CTSC: variants seen among roughly 807,000 people sequenced by gnomAD.
CTSC encodes cathepsin C, also known as dipeptidyl peptidase 1.
Under a neutral mutation model 40.9 loss-of-function variants are expected in CTSC, and 37 were observed. The observed-to-expected ratio is 0.91, with a 90% CI of 0.70 to 1.19. CTSC has a LOEUF of 1.19. Among genes scored for constraint, CTSC ranks in the 50% most tolerant of loss-of-function variants. The pLI is 0.00. For missense variants in CTSC, 594 were observed against 567.3 expected, an observed-to-expected ratio of 1.05 and a Z score of -0.48; for synonymous variants, 232 against 207.4, an observed-to-expected ratio of 1.12 and a Z score of -1.02.
At position 88,293,987 on chromosome 11, in the gene CTSC, A is replaced by C. The variant is rs1245891990; in HGVS notation, c.*19T>G. On this transcript the variant is annotated 3_prime_UTR_variant, in exon 7 of 7. Coordinates refer to ENST00000227266, the MANE Select transcript of CTSC (RefSeq NM_001814.6). ...TTTACAACTGATGCAGATCATTATG[A>C]AATACTGGAAGGCATACCCTACAAT... 1 of 1,613,216 alleles carries C rather than the reference A, an allele frequency of 6.2e-7. No individual in the cohort carries two copies. The highest frequency in any genetic ancestry group is 2.2e-5 in the East Asian group (1 of 44,890).
At chr11:88,321,066 T>G in intron 2 of CTSC, 1 of 982,388 alleles carries the variant, frequency 1.0e-6, no homozygotes, top group Non-Finnish European at 1.2e-6. Context: ...AATAAAAGCA[T>G]GTTGATGCAA....
intron 2 of CTSC, among the ~76,000 whole-genome samples, chr11:88,315,603 T>A (rs1003432737): frequency 6.6e-6 from 1 of 151,610 alleles, no homozygotes; most frequent in African/African-American, 2.4e-5. Flanking sequence ...TTTCATACTT[T>A]ATAAATATTG....
intron 4 of CTSC, among the ~76,000 whole-genome samples, chr11:88,306,959 C>A (rs1229026441): frequency 1.3e-5 from 2 of 152,214 alleles, no homozygotes; most frequent in East Asian, 1.9e-4. Flanking sequence ...TCTGCACCTG[C>A]CCCTCTGCAT....
At chr11:88,301,994 G>A (rs1453934295) in intron 4 of CTSC, among the ~76,000 whole-genome samples, 1 of 152,000 alleles carries the variant, frequency 6.6e-6, no homozygotes, top group Non-Finnish European at 1.5e-5. Context: ...TCCCTAACTT[G>A]TAATTTTCAA....
At chr11:88,321,878 C>T (rs1938023472) in intron 2 of CTSC, 1 of 152,194 alleles carries the variant, frequency 6.6e-6, no homozygotes, top group Non-Finnish European at 1.5e-5. Flanking sequence ...GACATTCCCA[C>T]CAACAGTGTA....
At position 88,294,181 on chromosome 11, in the gene CTSC, G is replaced by C; in HGVS notation, c.1217C>G (p.Ala406Gly). 6.2e-7 allele frequency: 1 copy of C among 1,613,930 alleles called. No homozygotes were observed. Among genetic ancestry groups the C allele is most frequent in the East Asian group, 2.2e-5 (1 of 44,868 alleles). Residue 406 changes from alanine to glycine, a missense_variant, in exon 7 of 7, where the codon GCT becomes GGT. Ala to Gly is a moderately conservative substitution (Grantham distance 60). Coordinates refer to ENST00000227266, the MANE Select transcript of CTSC (RefSeq NM_001814.6). ...AGTGCCATAGCCCACAAGCAGAACA[G>C]CATGATTAGTCAGCTCAAAGGGGTT... Reference protein sequence around the residue: ...PFNPFELTNHAVLLVGYGTDS... With the variant: ...PFNPFELTNHGVLLVGYGTDS...
At chr11:88,327,906 T>C (rs1938234728) in intron 2 of CTSC, 1 of 584,170 alleles carries the variant, frequency 1.7e-6, no homozygotes, top group Non-Finnish European at 3.0e-6. Flanking sequence ...AAACAGAACA[T>C]AATAAAGTAG....
chr11:88,328,195 T>G, intron 2 of CTSC: 1 of 1,608,254 alleles, frequency 6.2e-7, no homozygotes, highest in Non-Finnish European at 8.5e-7. Context: ...ATCAGTGACA[T>G]CCTACAAAGA....
chr11:88,323,881 A>G (rs1386374825), intron 2 of CTSC: 2 of 152,184 alleles, frequency 1.3e-5, no homozygotes, highest in African/African-American at 4.8e-5. Flanking sequence ...TTAAACTACC[A>G]TTAACATTCT....
rs559230127 is a variant in CTSC at position 88,326,509 on chromosome 11, A to C, written c.318+8428T>G. ...TCATATTGTCTCTTAATATTTAATC[A>C]TATCAGTTTCTTTAAGTAAAAAAAA... On this transcript the variant is annotated intron_variant, in intron 2 of 6. Coordinates refer to ENST00000227266, the MANE Select transcript of CTSC (RefSeq NM_001814.6). 164 of 996,680 alleles carry C rather than the reference A, an allele frequency of 1.6e-4. No individual in the cohort carries two copies. The East Asian group carries it at 3.5e-3, about 21-fold the overall frequency. The allele number at this position is 996,680 out of a possible 1,614,324, so 61.7% of individuals were successfully genotyped here.
chr11:88,314,692 T>G (rs1937837485), intron 2 of CTSC, among the ~76,000 whole-genome samples: 1 of 152,138 alleles, frequency 6.6e-6, no homozygotes, highest in Non-Finnish European at 1.5e-5. Context: ...CAGGCCTGGC[T>G]AATTTTTGTA....
intron 4 of CTSC, among the ~76,000 whole-genome samples, chr11:88,308,167 T>G: frequency 6.6e-6 from 1 of 152,224 alleles, no homozygotes; most frequent in Non-Finnish European, 1.5e-5. Flanking sequence ...GCCTTCCACT[T>G]AAATATTCCT....
chr11:88,332,679 A>G (rs373645554), intron 2 of CTSC, among the ~76,000 whole-genome samples: 11 of 152,352 alleles, frequency 7.2e-5, no homozygotes, highest in African/African-American at 2.6e-4. Flanking sequence ...GGTGCTTGTC[A>G]TAAGACCTAA....
intron 4 of CTSC, among the ~76,000 whole-genome samples, chr11:88,307,609 T>C (rs1446249349): frequency 6.7e-6 from 1 of 148,426 alleles, no homozygotes; most frequent in African/African-American, 2.5e-5. Context: ...GAGAGGATTT[T>C]GAGATTTTTT....
chr11:88,295,929 G>GT (rs1423651069), intron 6 of CTSC, among the ~76,000 whole-genome samples: 1 of 152,164 alleles, frequency 6.6e-6, no homozygotes, highest in Non-Finnish European at 1.5e-5. Context: ...TCAATATATA[G>GT]TAACTATTGA....
At chr11:88,311,584 C>T (rs1937758780) in intron 3 of CTSC, among the ~76,000 whole-genome samples, 1 of 152,182 alleles carries the variant, frequency 6.6e-6, no homozygotes, top group South Asian at 2.1e-4. Flanking sequence ...TAACAGTAAA[C>T]ATTAACTGCA....
chr11:88,306,265 G>A (rs78545576), intron 4 of CTSC, among the ~76,000 whole-genome samples: 60 of 152,306 alleles, frequency 3.9e-4, no homozygotes, highest in African/African-American at 1.4e-3. Context: ...TTAGTCTGCA[G>A]ATGAAAAAGT....
rs1047008172 is a variant in CTSC, at chr11:88,313,937, C to T, written c.319-1383G>A. Among the ~76,000 whole-genome samples, 8 of 152,298 alleles carry T rather than the reference C, an allele frequency of 5.3e-5. No individual in the cohort carries two copies. In the South Asian group the frequency reaches 1.7e-3, roughly 32 times the overall value. Reference sequence around the variant, plus strand: ...ACTTAGTTCTCTTGCAACTGTTCAACTCTGCCCTTGTAGCACAAAAGCCAT... The same window carrying T: ...ACTTAGTTCTCTTGCAACTGTTCAATTCTGCCCTTGTAGCACAAAAGCCAT... On this transcript the variant is annotated intron_variant, in intron 2 of 6. Coordinates refer to ENST00000227266, the MANE Select transcript of CTSC (RefSeq NM_001814.6).
intron 2 of CTSC, among the ~76,000 whole-genome samples, chr11:88,317,088 G>T (rs1402011824): frequency 3.3e-5 from 5 of 151,698 alleles, no homozygotes; most frequent in Admixed American, 6.6e-5. Flanking sequence ...TGCCTCAGCC[G>T]CCTGAGTAGC....
Sources: gnomAD v4.1 joint callset for allele counts (sites outside exome capture counted in the v4.1 genomes callset) on GRCh38, gnomAD v4.1.1 for gene constraint, MANE v1.5 for transcripts, NCBI Gene and HGNC (gene_info 2026-07-23, HGNC 2026-07-21) for gene names.